The following NRG1 variants were observed in gnomAD, a reference collection of about 807,000 sequenced individuals.
NRG1 encodes the protein neuregulin 1, also known as pro-neuregulin-1, membrane-bound isoform.
In NRG1, 18 loss-of-function variants were observed where a neutral mutation model predicts 63.8. The observed-to-expected ratio is 0.28, with a 90% confidence interval of 0.19 to 0.42. The LOEUF is 0.42. Among genes scored for constraint, NRG1 ranks in the 10% least tolerant of loss-of-function variants. NRG1 has a pLI of 1.00. For missense variants in NRG1, 762 were observed against 814.7 expected (o/e 0.94, Z 0.79); for synonymous variants, 302 against 301.3 (o/e 1.00, Z -0.02).
intron 3 of NRG1, among the ~76,000 whole-genome samples, chr8:32,613,252 C>T (rs112102049): frequency 1.3e-5 from 2 of 152,006 alleles, no homozygotes; most frequent in African/African-American, 4.8e-5. Context: ...GGATCATCCA[C>T]ACTTAATTTG....
At chr8:31,646,665 C>A (rs1266550582) in intron 1 of NRG1, among the ~76,000 whole-genome samples, 2 of 152,176 alleles carry the variant, frequency 1.3e-5, no homozygotes, top group Non-Finnish European at 2.9e-5. Flanking sequence ...TTGATAGACA[C>A]ATAGAGTTTG....
intron 1 of NRG1, among the ~76,000 whole-genome samples, chr8:31,807,266 G>A (rs1011368078): frequency 1.1e-4 from 16 of 152,176 alleles, no homozygotes; most frequent in African/African-American, 3.4e-4. Context: ...AGCATGTGGA[G>A]GTTTACCTAC....
chr8:31,935,367 C>T (rs1339557013), intron 1 of NRG1, among the ~76,000 whole-genome samples: 1 of 152,138 alleles, frequency 6.6e-6, no homozygotes, highest in Non-Finnish European at 1.5e-5. Flanking sequence ...AAGTGGTCCT[C>T]CCGCCTCAGC....
At chr8:32,570,925 A>C (rs867614970) in intron 1 of NRG1, among the ~76,000 whole-genome samples, 13 of 152,176 alleles carry the variant, frequency 8.5e-5, no homozygotes, top group African/African-American at 2.9e-4. Context: ...CAGAAAGTTA[A>C]TCTGAGCCAA....
intron 1 of NRG1, among the ~76,000 whole-genome samples, chr8:31,677,028 G>A (rs1431321771): frequency 6.6e-6 from 1 of 152,048 alleles, no homozygotes. Context: ...CTAGCAGCTT[G>A]GCATTTAACT....
intron 1 of NRG1, among the ~76,000 whole-genome samples, chr8:32,233,483 T>C (rs1321032001): frequency 4.0e-5 from 6 of 148,408 alleles, no homozygotes; most frequent in African/African-American, 1.5e-4. Flanking sequence ...AAATATATTA[T>C]GGCAACATCT....
At chr8:32,567,024 G>A (rs571088304) in intron 1 of NRG1, among the ~76,000 whole-genome samples, 3 of 152,086 alleles carry the variant, frequency 2.0e-5, no homozygotes, top group South Asian at 2.1e-4. Flanking sequence ...TGTATTTTTC[G>A]TAGAGACGGG....
intron 1 of NRG1, among the ~76,000 whole-genome samples, chr8:32,460,050 G>T (rs1822127676): frequency 6.6e-6 from 1 of 152,152 alleles, no homozygotes; most frequent in Non-Finnish European, 1.5e-5. Flanking sequence ...TCTGTTTCCT[G>T]CCACTCCTGC....
intron 1 of NRG1, among the ~76,000 whole-genome samples, chr8:31,752,938 A>T (rs1013046868): frequency 2.6e-5 from 4 of 151,958 alleles, no homozygotes; most frequent in African/African-American, 9.7e-5. Flanking sequence ...CAGTATTCTG[A>T]TTTGTTGGGC....
chr8:32,544,991 TAA>T (rs1353605159), upstream of NRG1, among the ~76,000 whole-genome samples: 1 of 152,220 alleles, frequency 6.6e-6, no homozygotes, highest in Non-Finnish European at 1.5e-5. Flanking sequence ...TACATTATCT[TAA>T]GTTACTTGAT....
In NRG1 at chr8:31,999,599, G is replaced by A. The variant is rs567036263; in HGVS notation, c.37+360168G>A. Among the ~76,000 whole-genome samples, 15 of 151,976 alleles carry A rather than the reference G, an allele frequency of 9.9e-5. No homozygotes were observed. The South Asian group carries it at 2.9e-3, about 29-fold the overall frequency. ...TTACCTTAGTAAAATTCAAAAAACA[G>A]GTTCATTAGTAATTTCTTCAAAGAA... is the stretch of plus-strand genomic sequence containing the variant. On this transcript the variant is annotated intron_variant, in intron 1 of 10. Coordinates refer to the NRG1 transcript ENST00000519301.
intron 1 of NRG1, among the ~76,000 whole-genome samples, chr8:32,255,866 T>A (rs1382437925): frequency 6.6e-6 from 1 of 152,218 alleles, no homozygotes; most frequent in Non-Finnish European, 1.5e-5. Context: ...AAGTTTGGTC[T>A]TTTCACGTAG....
chr8:31,639,677 CG>C lies in NRG1; in HGVS notation c.37+252del, dbSNP rs923740255. On this transcript the variant is annotated intron_variant, in intron 1 of 10. Transcript: ENST00000519301. The stretch of plus-strand genomic sequence containing the variant: ...GCAGGGCTCGGGCGCGGCGGCGGCG[CG>C]GGGGGTGGGGGGACCTGTCACTCCC... 4.2e-3 allele frequency: 5,860 copies of C among 1,391,034 alleles called. 23 individuals carry two copies. Among genetic ancestry groups the C allele is most frequent in the Middle Eastern group, 5.3e-3 (20 of 3,764 alleles). The allele number at this position is 1,391,034 out of a possible 1,614,324, so 86.2% of individuals were successfully genotyped here. A position where few individuals can be genotyped will look rare whatever the true frequency, so the allele number is the denominator to read the frequency against.
In NRG1 at chr8:31,657,771, A is replaced by G. The variant is rs561265195; in HGVS notation, c.37+18340A>G. On this transcript the variant is annotated intron_variant, in intron 1 of 10. Transcript: ENST00000519301. Reference sequence around the variant, plus strand: ...TTGCAAGGTATATCATTTTGTTCCAATTTTAACCTGAGATTCAAAAAGGTT... The same window carrying G: ...TTGCAAGGTATATCATTTTGTTCCAGTTTTAACCTGAGATTCAAAAAGGTT... Among the ~76,000 whole-genome samples, 5 of 152,316 alleles carry G rather than the reference A, an allele frequency of 3.3e-5. 1 individual carries two copies. The highest frequency in any genetic ancestry group is 1.9e-4 in the East Asian group (1 of 5,178).
chr8:32,083,428 G>A (rs1447097027), intron 1 of NRG1, among the ~76,000 whole-genome samples: 1 of 152,166 alleles, frequency 6.6e-6, no homozygotes, highest in Non-Finnish European at 1.5e-5. Flanking sequence ...AGGTTGGGGT[G>A]TGGGACATAT....
At chr8:32,671,799 C>A (rs1461787178) in intron 5 of NRG1, among the ~76,000 whole-genome samples, 1 of 152,074 alleles carries the variant, frequency 6.6e-6, no homozygotes, top group Non-Finnish European at 1.5e-5. Context: ...AACAACAATT[C>A]AGTTAGTAAA....
At chr8:31,957,118 C>T (rs780377249) in intron 1 of NRG1, among the ~76,000 whole-genome samples, 2 of 151,506 alleles carry the variant, frequency 1.3e-5, no homozygotes, top group Non-Finnish European at 2.9e-5. Context: ...GTAATGTTCT[C>T]ATGTACAAAA....
At chr8:32,124,553 A>G (rs1833856566) in intron 1 of NRG1, among the ~76,000 whole-genome samples, 1 of 151,938 alleles carries the variant, frequency 6.6e-6, no homozygotes, top group Admixed American at 6.6e-5. Flanking sequence ...GTTATGATAC[A>G]ATCACATGTC....
At chr8:32,768,885 C>T (rs902705039), downstream of NRG1, among the ~76,000 whole-genome samples, 13 of 152,172 alleles carry the variant, frequency 8.5e-5, no homozygotes, top group Non-Finnish European at 1.5e-4. Flanking sequence ...ATTCCTATTA[C>T]CTAGTTATGG....
Sources: gnomAD v4.1 joint callset for allele counts (sites outside exome capture counted in the v4.1 genomes callset) on GRCh38, gnomAD v4.1.1 for gene constraint, MANE v1.5 for transcripts, NCBI Gene and HGNC (gene_info 2026-07-23, HGNC 2026-07-21) for gene names.